The following CACNG3 variants were observed in gnomAD, a reference collection of about 807,000 sequenced individuals.
The protein encoded by CACNG3 is calcium voltage-gated channel auxiliary subunit gamma 3.
In CACNG3, 3 loss-of-function variants were observed where a neutral mutation model predicts 28.5. That is an observed-to-expected ratio of 0.11 (90% CI 0.05 to 0.27). CACNG3 has a LOEUF of 0.27. CACNG3 is among the 10% of genes least tolerant of loss of function. The pLI is 1.00. For missense variants in CACNG3, 236 were observed against 414.4 expected (o/e 0.57, Z 3.74); for synonymous variants, 174 against 162.2 (o/e 1.07, Z -0.55).
intron 1 of CACNG3, among the ~76,000 whole-genome samples, chr16:24,327,473 CACACAT>C (rs1458882643): frequency 1.0e-4 from 11 of 104,782 alleles, no homozygotes; most frequent in Middle Eastern, 6.3e-3. Flanking sequence ...CACACACACA[CACACAT>C]ATACTATGAA....
At chr16:24,306,674 G>A (rs1899189471) in intron 1 of CACNG3, among the ~76,000 whole-genome samples, 1 of 152,088 alleles carries the variant, frequency 6.6e-6, no homozygotes, top group African/African-American at 2.4e-5. Flanking sequence ...CCTACAGTTT[G>A]CATCGGGCAG....
intron 2 of CACNG3, among the ~76,000 whole-genome samples, chr16:24,351,655 G>A (rs1899943896): frequency 8.9e-6 from 1 of 112,692 alleles, no homozygotes; most frequent in Non-Finnish European, 1.7e-5. Flanking sequence ...GAGGGGGAAA[G>A]ACAGACGAAA....
chr16:24,294,013 C>A (rs1898998556), intron 1 of CACNG3, among the ~76,000 whole-genome samples: 1 of 152,184 alleles, frequency 6.6e-6, no homozygotes. Flanking sequence ...TCCTTGGCTG[C>A]AAGAATGTGT....
At chr16:24,343,587 G>A (rs1899818790) in intron 1 of CACNG3, among the ~76,000 whole-genome samples, 1 of 152,116 alleles carries the variant, frequency 6.6e-6, no homozygotes, top group African/African-American at 2.4e-5. Flanking sequence ...CAATAGTAGG[G>A]GGTAGGCTAT....
intron 1 of CACNG3, among the ~76,000 whole-genome samples, chr16:24,262,595 C>G (rs1303110635): frequency 6.6e-6 from 1 of 152,258 alleles, no homozygotes; most frequent in African/African-American, 2.4e-5. Flanking sequence ...CCTGGCCCCA[C>G]AGATGTCATC....
At chr16:24,274,203 A>AAC (rs1898725579) in intron 1 of CACNG3, among the ~76,000 whole-genome samples, 1 of 148,746 alleles carries the variant, frequency 6.7e-6, no homozygotes, top group South Asian at 2.1e-4. Flanking sequence ...AAAAAAAACA[A>AAC]AAAAAAAAAA....
chr16:24,347,131 A>G (rs1899880248), intron 2 of CACNG3, among the ~76,000 whole-genome samples: 1 of 152,216 alleles, frequency 6.6e-6, no homozygotes, highest in African/African-American at 2.4e-5. Context: ...CAGCCTGGGC[A>G]ATATAGCAAG....
chr16:24,317,554 A>G (rs541997626), intron 1 of CACNG3, among the ~76,000 whole-genome samples: 21 of 85,366 alleles, frequency 2.5e-4, no homozygotes, highest in Admixed American at 4.5e-4. Flanking sequence ...AAAAAAAAGA[A>G]AAAGAAAGAA....
chr16:24,289,681 C>A (rs1898940573), intron 1 of CACNG3, among the ~76,000 whole-genome samples: 1 of 152,180 alleles, frequency 6.6e-6, no homozygotes, highest in South Asian at 2.1e-4. Context: ...ACCCCATTTG[C>A]CTTCCTAGCT....
At chr16:24,322,470 G>C (rs1899476523) in intron 1 of CACNG3, among the ~76,000 whole-genome samples, 1 of 151,714 alleles carries the variant, frequency 6.6e-6, no homozygotes, top group African/African-American at 2.4e-5. Flanking sequence ...CTCTTTAGTT[G>C]CCATTTTTAT....
At chr16:24,300,360 C>A (rs879458131) in intron 1 of CACNG3, among the ~76,000 whole-genome samples, 1 of 151,580 alleles carries the variant, frequency 6.6e-6, no homozygotes, top group Admixed American at 6.6e-5. Flanking sequence ...TGAGAAGGGG[C>A]GGGGTGAGGA....
chr16:24,283,150 C>T (rs1290272265), intron 1 of CACNG3, among the ~76,000 whole-genome samples: 3 of 152,040 alleles, frequency 2.0e-5, no homozygotes, highest in Non-Finnish European at 2.9e-5. Flanking sequence ...ACTAGAAGAG[C>T]GCCTTCTTCT....
At chr16:24,299,862 T>C (rs1899082500) in intron 1 of CACNG3, among the ~76,000 whole-genome samples, 1 of 152,142 alleles carries the variant, frequency 6.6e-6, no homozygotes, top group Non-Finnish European at 1.5e-5. Context: ...GGAAGACAAG[T>C]GTGCCCTGAA....
intron 1 of CACNG3, among the ~76,000 whole-genome samples, chr16:24,293,032 C>T (rs1415309487): frequency 1.3e-5 from 2 of 152,188 alleles, no homozygotes; most frequent in Non-Finnish European, 2.9e-5. Context: ...ATCACAGACA[C>T]CTGACTCTTG....
intron 1 of CACNG3, among the ~76,000 whole-genome samples, chr16:24,265,370 A>AG (rs1555458124): frequency 0.012 from 1,745 of 147,906 alleles, 35 homozygotes; most frequent in African/African-American, 0.042. Flanking sequence ...AAAGAAAGAA[A>AG]AAAGAAAGAA....
intron 2 of CACNG3, among the ~76,000 whole-genome samples, chr16:24,351,610 G>GGGAAGA (rs1567225345): frequency 8.2e-6 from 1 of 121,922 alleles, no homozygotes. Flanking sequence ...GAAGGGGAAG[G>GGGAAGA]GGAAGGGGAA....
Position 24,291,442 on chromosome 16 carries a change from A to G in CACNG3, c.211+34477A>G, listed in dbSNP as rs543124769. On this transcript the variant is annotated intron_variant, in intron 1 of 3. Coordinates refer to ENST00000005284, the MANE Select transcript of CACNG3 (RefSeq NM_006539.4). ...TGCAGCGATTTTATCCTGCCAGTTG[A>G]GTATGAACCACATAGGCTTAAAAAA... Among the ~76,000 whole-genome samples the G allele has an allele frequency of 6.6e-5, 10 of 152,318 alleles. 1 individual carries two copies. The highest frequency in any genetic ancestry group is 2.4e-4 in the African/African-American group (10 of 41,568).
intron 1 of CACNG3, among the ~76,000 whole-genome samples, chr16:24,342,865 G>A (rs890478779): frequency 1.3e-5 from 2 of 152,022 alleles, no homozygotes; most frequent in Non-Finnish European, 2.9e-5. Flanking sequence ...ACAAACGTGG[G>A]TAGTAGTAAG....
Position 24,266,756 on chromosome 16 carries a change from G to A in CACNG3, c.211+9791G>A, listed in dbSNP as rs544361597. On this transcript the variant is annotated intron_variant, in intron 1 of 3. Transcript: ENST00000005284. ...CCAGCCTAAGAGAGCTCTCTGCAAG[G>A]CAGGAACCCCACCTGTGGCCTGCCT... is the stretch of plus-strand genomic sequence containing the variant. 2.6e-5 allele frequency among the ~76,000 whole-genome samples: 4 copies of A among 152,234 alleles called. No individual in the cohort carries two copies. The South Asian group carries it at 8.3e-4, about 32-fold the overall frequency.
Sources: gnomAD v4.1 joint callset for allele counts (sites outside exome capture counted in the v4.1 genomes callset) on GRCh38, gnomAD v4.1.1 for gene constraint, MANE v1.5 for transcripts, NCBI Gene and HGNC (gene_info 2026-07-23, HGNC 2026-07-21) for gene names.